ATP8A2: variants seen among roughly 807,000 people sequenced by gnomAD.
ATP8A2 encodes the protein ATPase phospholipid transporting 8A2.
In ATP8A2, 100 loss-of-function variants were observed where a neutral mutation model predicts 165.6. The ratio of observed to expected loss-of-function variants is 0.60; its 90% CI spans 0.51 to 0.71. ATP8A2 has a LOEUF of 0.71. Ranked by LOEUF, ATP8A2 falls within the 30% of genes least tolerant of loss-of-function variation. The pLI is 0.00. For synonymous variants in ATP8A2, 543 were observed against 548.8 expected (o/e 0.99, Z 0.15); for missense variants, 1,227 against 1,479.5 (o/e 0.83, Z 2.80).
At chr13:25,527,058 C>A (rs1264812788) in intron 2 of ATP8A2, among the ~76,000 whole-genome samples, 1 of 152,110 alleles carries the variant, frequency 6.6e-6, no homozygotes, top group Non-Finnish European at 1.5e-5. Context: ...GCACTGAGAA[C>A]TGTCTCATCC....
intron 6 of ATP8A2, among the ~76,000 whole-genome samples, chr13:25,537,250 G>A (rs1478937418): frequency 6.6e-6 from 1 of 152,104 alleles, no homozygotes; most frequent in Non-Finnish European, 1.5e-5. Flanking sequence ...ATTTTATGTG[G>A]TATATTTCCA....
chr13:25,847,934 G>A (rs1593442429), intron 30 of ATP8A2, among the ~76,000 whole-genome samples: 1 of 152,230 alleles, frequency 6.6e-6, no homozygotes, highest in African/African-American at 2.4e-5. Context: ...CCAGGGCCAG[G>A]TACCCAACAA....
chr13:25,564,939 AT>A (rs2039266940), intron 16 of ATP8A2, among the ~76,000 whole-genome samples: 1 of 151,802 alleles, frequency 6.6e-6, no homozygotes, highest in African/African-American at 2.4e-5. Context: ...TAGCTCCCAC[AT>A]TTCAGTGAGA....
intron 6 of ATP8A2, among the ~76,000 whole-genome samples, chr13:25,537,425 CAG>C (rs762322748): frequency 1.2e-4 from 18 of 152,162 alleles, no homozygotes; most frequent in Non-Finnish European, 2.2e-4. Context: ...ATTTGTAAAA[CAG>C]AGAAAAATTT....
At chr13:25,791,486 G>A (rs2045171476) in intron 27 of ATP8A2, among the ~76,000 whole-genome samples, 4 of 150,110 alleles carry the variant, frequency 2.7e-5, no homozygotes, top group African/African-American at 9.8e-5. Flanking sequence ...CATGACACAA[G>A]TTTACCTATG....
intron 2 of ATP8A2, among the ~76,000 whole-genome samples, chr13:25,497,609 A>G (rs2036717062): frequency 6.6e-6 from 1 of 152,136 alleles, no homozygotes; most frequent in African/African-American, 2.4e-5. Flanking sequence ...TATCATTTAG[A>G]CCACTGCTTT....
intron 2 of ATP8A2, among the ~76,000 whole-genome samples, chr13:25,479,455 TA>T (rs1362265438): frequency 6.6e-6 from 1 of 152,236 alleles, no homozygotes; most frequent in Non-Finnish European, 1.5e-5. Context: ...TTAATAAGTA[TA>T]ATTTCCAATT....
chr13:26,002,848 C>CTGTGTGTGTGTGTGTGTGTGTG (rs199795279), intron 35 of ATP8A2, among the ~76,000 whole-genome samples: 13 of 134,808 alleles, frequency 9.6e-5, no homozygotes, highest in African/African-American at 2.6e-4. Context: ...TAGTATTCCA[C>CTGTGTGTGTGTGTGTGTGTGTG]TGTGTGTGTG....
chr13:25,622,965 C>A (rs2137465881), intron 24 of ATP8A2, among the ~76,000 whole-genome samples: 1 of 152,160 alleles, frequency 6.6e-6, no homozygotes, highest in East Asian at 1.9e-4. Flanking sequence ...GTGTTTAAGT[C>A]CAGTAGAAAT....
chr13:25,559,765 G>A lies in ATP8A2; in HGVS notation c.1397G>A (p.Cys466Tyr). 1 of 1,610,090 alleles carries A rather than the reference G, an allele frequency of 6.2e-7. No homozygotes were observed. The highest frequency in any genetic ancestry group is 8.5e-7 in the Non-Finnish European group (1 of 1,176,558). ...LAREPSSDDF[C>Y]RMPPPCSDSC... ...AGAGAGCCGTCTTCAGATGACTTCT[G>A]GTAAGTAGATTCTAGCACTTCTTGA... The change falls in exon 15 of 37, where the codon TGT (cysteine) becomes TAT (tyrosine). Residue 466 changes from cysteine to tyrosine, a missense_variant and splice_region_variant. This residue lies in a region of ATP8A2 where 592 missense variants were observed against 785.6 expected (regional missense o/e 0.75). Transcript: ENST00000381655.
chr13:25,900,668 G>A (rs1256905833), intron 33 of ATP8A2, among the ~76,000 whole-genome samples: 1 of 152,176 alleles, frequency 6.6e-6, no homozygotes, highest in Non-Finnish European at 1.5e-5. Flanking sequence ...CGTTTTTAAG[G>A]TTTCTCCAAG....
At chr13:25,793,731 G>A (rs1209343695) in intron 27 of ATP8A2, among the ~76,000 whole-genome samples, 1 of 152,088 alleles carries the variant, frequency 6.6e-6, no homozygotes, top group African/African-American at 2.4e-5. Flanking sequence ...AGCCATTAAC[G>A]AGATAGCAGA....
chr13:25,740,239 G>A (rs1005678330), intron 25 of ATP8A2, among the ~76,000 whole-genome samples: 2 of 151,128 alleles, frequency 1.3e-5, no homozygotes, highest in African/African-American at 4.9e-5. Context: ...AACCTGGGAG[G>A]TGGAGCTTGC....
At chr13:25,768,882 C>G (rs989531408) in intron 25 of ATP8A2, among the ~76,000 whole-genome samples, 164 bp from the exon 26 acceptor site, 1 of 152,228 alleles carries the variant, frequency 6.6e-6, no homozygotes, top group African/African-American at 2.4e-5. Flanking sequence ...TTGAAAGCCA[C>G]AAGCTACTGT....
intron 33 of ATP8A2, among the ~76,000 whole-genome samples, chr13:25,940,013 G>A (rs112305346): frequency 0.026 from 3,894 of 152,200 alleles, 75 homozygotes; most frequent in East Asian, 0.06. Flanking sequence ...GCTGCTCCAC[G>A]TTTGGCGAAA....
intron 28 of ATP8A2, among the ~76,000 whole-genome samples, chr13:25,830,076 A>T (rs937372081): frequency 6.7e-6 from 1 of 149,512 alleles, no homozygotes; most frequent in African/African-American, 2.5e-5. Context: ...TGGTGCCATC[A>T]CTACTCACTG....
chr13:26,006,977 A>G (rs1956752928), intron 35 of ATP8A2, among the ~76,000 whole-genome samples: 1 of 151,158 alleles, frequency 6.6e-6, no homozygotes, highest in African/African-American at 2.4e-5. Flanking sequence ...AGTATTTTAA[A>G]GAGATTCTCT....
intron 33 of ATP8A2, among the ~76,000 whole-genome samples, chr13:25,921,117 TCTTC>T (rs1042240468): frequency 6.6e-6 from 1 of 152,120 alleles, no homozygotes; most frequent in Non-Finnish European, 1.5e-5. Context: ...AGAAACTGTA[TCTTC>T]CTTCCTTGTA....
At chr13:25,775,071 T>C in intron 27 of ATP8A2, 112 bp downstream of exon 27, 2 of 634,638 alleles carry the variant, frequency 3.2e-6, no homozygotes, top group Non-Finnish European at 5.4e-6. Context: ...TAAAAGATGC[T>C]GCTGTGACTT....
Sources: allele counts gnomAD v4.1 joint callset (sites outside exome capture counted in the v4.1 genomes callset), GRCh38; gene constraint gnomAD v4.1.1; regional missense constraint gnomAD v4.1.1; transcripts MANE v1.5; gene names NCBI Gene and HGNC (gene_info 2026-07-23, HGNC 2026-07-21).